Variants in COL11A1 observed in about 807,000 individuals in gnomAD.
COL11A1 encodes collagen alpha-1(XI) chain.
Under a neutral mutation model 265.2 loss-of-function variants are expected in COL11A1, and 74 were observed. The ratio of observed to expected loss-of-function variants is 0.28; its 90% CI spans 0.23 to 0.34. COL11A1 has a LOEUF of 0.34. Among genes scored for constraint, COL11A1 ranks in the 10% least tolerant of loss-of-function variants. The pLI, the probability that COL11A1 is intolerant of heterozygous loss-of-function variation, is 1.00. For missense variants in COL11A1, 2,165 were observed against 2,263.6 expected, an observed-to-expected ratio of 0.96 and a Z score of 0.88; for synonymous variants, 816 against 727.6, an observed-to-expected ratio of 1.12 and a Z score of -1.96.
chr1:102,901,474 T>C (rs1653196696), intron 54 of COL11A1, among the ~76,000 whole-genome samples: 1 of 151,806 alleles, frequency 6.6e-6, no homozygotes, highest in South Asian at 2.1e-4. Context: ...AATAAATCTG[T>C]GCTTATTATA....
intron 46 of COL11A1, among the ~76,000 whole-genome samples, chr1:102,927,500 A>C (rs1438127097): frequency 6.6e-6 from 1 of 152,130 alleles, no homozygotes; most frequent in Admixed American, 6.5e-5. Context: ...GCGGATCACG[A>C]GGTCAGGAGA....
chr1:103,081,841 A>G (rs554491796), intron 2 of COL11A1, among the ~76,000 whole-genome samples: 2 of 152,102 alleles, frequency 1.3e-5, no homozygotes, highest in Non-Finnish European at 2.9e-5. Context: ...GACATATAAA[A>G]TATATAGAGC....
intron 28 of COL11A1, among the ~76,000 whole-genome samples, chr1:102,994,817 G>A (rs534877680): frequency 2.4e-4 from 37 of 152,176 alleles, no homozygotes; most frequent in South Asian, 4.1e-4. Context: ...CTGAGACTGC[G>A]TAATTTATAA....
At chr1:102,885,322 A>G (rs1357086334) in intron 63 of COL11A1, among the ~76,000 whole-genome samples, 1 of 152,038 alleles carries the variant, frequency 6.6e-6, no homozygotes, top group Non-Finnish European at 1.5e-5. Flanking sequence ...AAGGAATCGA[A>G]TTATTTCTAC....
intron 54 of COL11A1, among the ~76,000 whole-genome samples, chr1:102,903,468 T>A (rs1016539190): frequency 1.3e-5 from 2 of 152,214 alleles, no homozygotes; most frequent in African/African-American, 2.4e-5. Flanking sequence ...GGCTTTTTTA[T>A]TGTTTCCACA....
At chr1:103,106,000 AT>A (rs1392373618) in intron 1 of COL11A1, among the ~76,000 whole-genome samples, 1 of 152,164 alleles carries the variant, frequency 6.6e-6, no homozygotes, top group Non-Finnish European at 1.5e-5. Flanking sequence ...ACCCAACAAA[AT>A]CTAATCCTTA....
At position 102,934,461 on chromosome 1, in the gene COL11A1, T is replaced by G. The variant is rs1657935135; in HGVS notation, c.3588A>C (p.Pro1196=). Residue 1196 remains proline (P), a synonymous_variant, in exon 46 of 67, where the codon CCA becomes CCC. Transcript: ENST00000370096. Reference sequence around the variant, plus strand: ...AGGATCATCTTACCTGAAGACCTATTGGACCAGGAGGTCCAGGGAAGCCTC... The same window carrying G: ...AGGATCATCTTACCTGAAGACCTATGGGACCAGGAGGTCCAGGGAAGCCTC... ...GARGFPGPPG[P]IGLQGLPGPP... is the part of the protein sequence containing the mutation. 6.2e-7 allele frequency: 1 copy of G among 1,612,804 alleles called. No homozygotes were observed.
chr1:103,059,967 C>G (rs991665046), intron 4 of COL11A1, among the ~76,000 whole-genome samples: 16 of 152,080 alleles, frequency 1.1e-4, no homozygotes, highest in African/African-American at 3.9e-4. Flanking sequence ...GCAATAGTGA[C>G]TGAGAATTTG....
chr1:103,021,000 A>G (rs6689957), intron 9 of COL11A1, among the ~76,000 whole-genome samples: 101,811 of 144,376 alleles, frequency 0.71, 36,906 homozygotes, highest in East Asian at 0.92. Context: ...TTTATTCTTT[A>G]TCATTTTTCT....
chr1:103,051,027 C>G (rs924066830), intron 4 of COL11A1, among the ~76,000 whole-genome samples: 1 of 152,200 alleles, frequency 6.6e-6, no homozygotes, highest in African/African-American at 2.4e-5. Context: ...GGATGCCTCC[C>G]AGTTAGGCTA....
In COL11A1 at chr1:103,037,381, T is replaced by G. The variant is rs369344593; in HGVS notation, c.652-6137A>C. 5.9e-5 allele frequency among the ~76,000 whole-genome samples: 9 copies of G among 152,086 alleles called. No individual in the cohort carries two copies. In the South Asian group the frequency reaches 1.7e-3, roughly 28 times the overall value. On this transcript the variant is annotated intron_variant, in intron 4 of 66. Coordinates refer to ENST00000370096, the MANE Select transcript of COL11A1 (RefSeq NM_001854.4). ...TGTGTTAGTGCTAAGGATCTGAATT[T>G]CAGATTGAACTCCTTGTCTTATGTG... is the stretch of plus-strand genomic sequence containing the variant.
rs775602885 is a variant in COL11A1 at position 103,075,250 on chromosome 1, C to T, written c.489-470G>A. 5.1e-4 allele frequency among the ~76,000 whole-genome samples: 77 copies of T among 152,136 alleles called. 1 individual carries two copies. The highest frequency in any genetic ancestry group is 7.4e-5 in the Non-Finnish European group (5 of 68,018). On this transcript the variant is annotated intron_variant, in intron 3 of 66. Coordinates refer to ENST00000370096, the MANE Select transcript of COL11A1 (RefSeq NM_001854.4). ...AGGGTATGTCTACTAATTGAATGAG[C>T]GCTCCATCTAGAGCAAGTCAACGTC...
In COL11A1 at chr1:102,899,769, G is replaced by T. The variant is rs564322440; in HGVS notation, c.4087-775C>A. 5.9e-5 allele frequency among the ~76,000 whole-genome samples: 9 copies of T among 152,206 alleles called. No homozygotes were observed. In the South Asian group the frequency reaches 1.9e-3, roughly 32 times the overall value. ...CTCAAAATCATTAACTGAGATTGGG[G>T]TTGGTGGTTGCAGAGAGTAGTCATG... On this transcript the variant is annotated intron_variant, in intron 54 of 66. Coordinates refer to ENST00000370096, the MANE Select transcript of COL11A1 (RefSeq NM_001854.4).
intron 48 of COL11A1, 101 bp from the exon 49 acceptor site, chr1:102,920,465 T>A: frequency 3.1e-6 from 3 of 961,882 alleles, no homozygotes; most frequent in Non-Finnish European, 3.4e-6. Context: ...AATAGATGCA[T>A]GAGTATTCTT....
rs192587029 is a variant in COL11A1 at position 103,017,985 on chromosome 1, A to C, written c.1351-103T>G. On this transcript the variant is annotated intron_variant, in intron 10 of 66. Transcript: ENST00000370096. ...AAGAGTTCGTTTATATTTTATAAATATACACTAGAGTTCTAAACAGTTGCC... is the reference window on the plus strand; with the variant it reads ...AAGAGTTCGTTTATATTTTATAAATCTACACTAGAGTTCTAAACAGTTGCC... 504 of 991,180 alleles carry C rather than the reference A, an allele frequency of 5.1e-4. 1 individual carries two copies. The African/African-American group carries it at 7.3e-3, about 14-fold the overall frequency. 61.4% of individuals were successfully genotyped at this position (991,180 alleles called of 1,614,324 possible).
At chr1:103,026,355 T>G (rs1179566166) in intron 5 of COL11A1, 23 bp from the exon 6 acceptor site, 1 of 1,511,556 alleles carries the variant, frequency 6.6e-7, no homozygotes, top group Non-Finnish European at 9.2e-7. Flanking sequence ...GGAAAAAATA[T>G]CAGGCAATTG....
At chr1:102,911,363 A>G (rs1244549897) in intron 54 of COL11A1, among the ~76,000 whole-genome samples, 1 of 152,170 alleles carries the variant, frequency 6.6e-6, no homozygotes, top group African/African-American at 2.4e-5. Context: ...CCCCTGAAAT[A>G]AAGATACCAT....
intron 4 of COL11A1, among the ~76,000 whole-genome samples, chr1:103,054,348 C>T (rs1187022055): frequency 2.0e-5 from 3 of 152,104 alleles, no homozygotes; most frequent in Non-Finnish European, 4.4e-5. Context: ...AAACTCAAAG[C>T]TTCCTTGCTT....
At chr1:103,036,378 A>T (rs1460213818) in intron 4 of COL11A1, among the ~76,000 whole-genome samples, 3 of 147,090 alleles carry the variant, frequency 2.0e-5, no homozygotes, top group Admixed American at 1.4e-4. Context: ...AATATATATT[A>T]TATATAATAT....
Sources: allele counts gnomAD v4.1 joint callset (sites outside exome capture counted in the v4.1 genomes callset), GRCh38; gene constraint gnomAD v4.1.1; transcripts MANE v1.5; gene names NCBI Gene and HGNC (gene_info 2026-07-23, HGNC 2026-07-21).